The following ANO3 variants were observed in gnomAD, a reference collection of about 807,000 sequenced individuals.
ANO3 encodes anoctamin-3.
A neutral mutation model predicts 144.8 loss-of-function variants in ANO3; 99 were observed. The observed-to-expected ratio is 0.68, with a 90% CI of 0.58 to 0.81. The LOEUF (loss-of-function observed/expected upper bound fraction) is 0.81. ANO3 is among the 30% of genes least tolerant of loss of function. The pLI, the probability that ANO3 is intolerant of heterozygous loss-of-function variation, is 0.00. For synonymous variants in ANO3, 414 were observed against 392.6 expected, an observed-to-expected ratio of 1.05 and a Z score of -0.64; for missense variants, 905 against 1,202.2, an observed-to-expected ratio of 0.75 and a Z score of 3.66.
chr11:26,210,893 C>T (rs1288838302), intron 1 of ANO3, among the ~76,000 whole-genome samples: 1 of 151,652 alleles, frequency 6.6e-6, no homozygotes, highest in African/African-American at 2.4e-5. Context: ...CTGAAACTCC[C>T]ACATAATAAT....
chr11:26,642,873 T>C (rs1344634487), intron 22 of ANO3, among the ~76,000 whole-genome samples: 1 of 152,086 alleles, frequency 6.6e-6, no homozygotes, highest in African/African-American at 2.4e-5. Context: ...CTCCTCTGTT[T>C]TGTCTCCCAT....
At chr11:26,329,233 TA>T (rs1854969858), upstream of ANO3, among the ~76,000 whole-genome samples, 1 of 151,756 alleles carries the variant, frequency 6.6e-6, no homozygotes, top group Non-Finnish European at 1.5e-5. Flanking sequence ...TATTTTGAGT[TA>T]AAAAAGAGGG....
intron 4 of ANO3, among the ~76,000 whole-genome samples, chr11:26,502,845 CA>C (rs1861253578): frequency 3.2e-5 from 2 of 63,164 alleles, no homozygotes; most frequent in African/African-American, 8.9e-5. Context: ...AATAAACATT[CA>C]GGGAAAAAAA....
Position 26,531,323 on chromosome 11 carries a change from G to C in ANO3, c.856G>C (p.Ala286Pro), listed in dbSNP as rs1289082816. 6.2e-7 allele frequency: 1 copy of C among 1,607,576 alleles called. No homozygotes were observed. The highest frequency in any genetic ancestry group is 8.5e-7 in the Non-Finnish European group (1 of 1,177,398). The change falls in exon 8 of 27, where the codon GCA becomes CCA. Residue 286 changes from alanine (A) to proline (P), a missense_variant. Physicochemically the swap from Ala to Pro is conservative, Grantham distance 27. Transcript: ENST00000256737. ...CTGCTATACTGGCCCCTTCAGCCGT[G>C]CACGGATTCACCAGTGAGTTCCCCT... ...SDCYTGPFSR[A>P]RIHHFIINNK...
intron 1 of ANO3, among the ~76,000 whole-genome samples, chr11:26,380,105 C>T (rs539747665): frequency 4.6e-5 from 7 of 152,234 alleles, no homozygotes; most frequent in African/African-American, 1.7e-4. Context: ...TTTCTCCTAT[C>T]TCAGTTCTAG....
At chr11:26,512,011 A>G (rs17243357) in intron 5 of ANO3, among the ~76,000 whole-genome samples, 16,877 of 152,224 alleles carry the variant, frequency 0.11, 1,313 homozygotes, top group Admixed American at 0.16. Context: ...GGAAGTTATT[A>G]AATAATTTTA....
intron 1 of ANO3, among the ~76,000 whole-genome samples, chr11:26,225,765 A>G (rs566163404): frequency 6.6e-6 from 1 of 152,286 alleles, no homozygotes; most frequent in South Asian, 2.1e-4. Flanking sequence ...TACTTTTCAA[A>G]CATTTTTCTT....
intron 1 of ANO3, among the ~76,000 whole-genome samples, chr11:26,371,738 G>T (rs548055721): frequency 1.3e-5 from 2 of 152,316 alleles, no homozygotes; most frequent in Admixed American, 1.3e-4. Context: ...TTTAATGACT[G>T]CCCTATTTGA....
chr11:26,569,084 T>C (rs1032800420), intron 14 of ANO3, among the ~76,000 whole-genome samples: 4 of 151,422 alleles, frequency 2.6e-5, no homozygotes, highest in Non-Finnish European at 5.9e-5. Flanking sequence ...GAGCTTTCAT[T>C]ACCTGCCTGT....
At chr11:26,437,552 T>G (rs1447572925) in intron 1 of ANO3, among the ~76,000 whole-genome samples, 2 of 152,060 alleles carry the variant, frequency 1.3e-5, no homozygotes, top group Non-Finnish European at 2.9e-5. Flanking sequence ...TTGATGAATC[T>G]CAATGCACGT....
At chr11:26,603,984 G>A (rs1383872582) in intron 17 of ANO3, among the ~76,000 whole-genome samples, 3 of 152,002 alleles carry the variant, frequency 2.0e-5, no homozygotes, top group Non-Finnish European at 4.4e-5. Context: ...TAGCTATTTT[G>A]TAATGTAAAA....
chr11:26,248,034 C>T (rs1353281065), intron 1 of ANO3, among the ~76,000 whole-genome samples: 1 of 151,908 alleles, frequency 6.6e-6, no homozygotes, highest in Non-Finnish European at 1.5e-5. Flanking sequence ...CCTGGACGCT[C>T]CAGTCATTTT....
chr11:26,460,634 A>C lies in ANO3; in HGVS notation c.314-2396A>C, dbSNP rs141736989. 9.2e-3 allele frequency among the ~76,000 whole-genome samples: 1,403 copies of C among 152,188 alleles called. 10 individuals carry two copies. The highest frequency in any genetic ancestry group is 0.02 in the Middle Eastern group (6 of 294). On this transcript the variant is annotated intron_variant, in intron 3 of 26. Coordinates refer to ENST00000256737, the MANE Select transcript of ANO3 (RefSeq NM_031418.4). The stretch of plus-strand genomic sequence containing the variant: ...TTTGGCAAATGTTCAAAATTGATTT[A>C]GCTTTCCTCCAGCAAGATGATGCTG...
intron 1 of ANO3, among the ~76,000 whole-genome samples, chr11:26,215,289 A>G (rs1852014794): frequency 6.6e-6 from 1 of 151,904 alleles, no homozygotes; most frequent in South Asian, 2.1e-4. Flanking sequence ...TGTTTATATA[A>G]CTGCTTATTT....
At chr11:26,400,821 T>C (rs867712680) in intron 1 of ANO3, among the ~76,000 whole-genome samples, 2 of 149,198 alleles carry the variant, frequency 1.3e-5, no homozygotes, top group African/African-American at 4.9e-5. Flanking sequence ...GTGTTTACCA[T>C]AGCCTATTTG....
chr11:26,656,882 CTT>C (rs1351463677), intron 26 of ANO3, among the ~76,000 whole-genome samples: 48 of 152,044 alleles, frequency 3.2e-4, no homozygotes, highest in Admixed American at 3.1e-3. Flanking sequence ...CAGTTGATCA[CTT>C]ATATATTTGT....
At chr11:26,646,005 G>T (rs979640441) in intron 23 of ANO3, among the ~76,000 whole-genome samples, 4 of 152,118 alleles carry the variant, frequency 2.6e-5, no homozygotes, top group African/African-American at 9.7e-5. Context: ...CTTTGCTCAA[G>T]CCAGACAACA....
At chr11:26,530,872 AAAAAAC>A (rs935955320) in intron 7 of ANO3, among the ~76,000 whole-genome samples, 9 of 152,052 alleles carry the variant, frequency 5.9e-5, no homozygotes, top group African/African-American at 1.7e-4. Flanking sequence ...TCTCAAAGAA[AAAAAAC>A]AAAAACAAAA....
chr11:26,223,003 T>C (rs1326241567), intron 1 of ANO3, among the ~76,000 whole-genome samples: 11 of 152,192 alleles, frequency 7.2e-5, no homozygotes, highest in African/African-American at 2.7e-4. Context: ...TTCTAGCAAG[T>C]AGTTGCTCTG....
Sources: allele counts gnomAD v4.1 joint callset (sites outside exome capture counted in the v4.1 genomes callset), GRCh38; gene constraint gnomAD v4.1.1; transcripts MANE v1.5; gene names NCBI Gene and HGNC (gene_info 2026-07-23, HGNC 2026-07-21).